Variants in LINGO2 observed in about 807,000 individuals in gnomAD.
LINGO2 encodes the protein leucine rich repeat and Ig domain containing 2, also known as leucine-rich repeat and immunoglobulin-like domain-containing nogo receptor-interacting protein 2.
In LINGO2, 14 loss-of-function variants were observed where a neutral mutation model predicts 30.6. The observed-to-expected ratio is 0.46, with a 90% CI of 0.30 to 0.72. LINGO2 has a LOEUF of 0.72. Ranked by LOEUF, LINGO2 falls within the 30% of genes least tolerant of loss-of-function variation. LINGO2 has a pLI of 0.07. For missense variants in LINGO2, 729 were observed against 751.7 expected, an observed-to-expected ratio of 0.97 and a Z score of 0.35; for synonymous variants, 317 against 288.5, an observed-to-expected ratio of 1.10 and a Z score of -1.00.
At chr9:28,248,248 C>T (rs910836651) in intron 4 of LINGO2, among the ~76,000 whole-genome samples, 3 of 152,102 alleles carry the variant, frequency 2.0e-5, no homozygotes, top group Non-Finnish European at 4.4e-5. Context: ...AATGTGGTAC[C>T]TCTGCACAGT....
chr9:29,136,547 C>T, the LINGO2 span, among the ~76,000 whole-genome samples: 1 of 152,106 alleles, frequency 6.6e-6, no homozygotes, highest in East Asian at 1.9e-4. Flanking sequence ...TTTGCCTATA[C>T]TTTTCCTCTT....
intron 4 of LINGO2, among the ~76,000 whole-genome samples, chr9:28,281,078 T>G (rs963488267): frequency 6.6e-6 from 1 of 152,114 alleles, no homozygotes; most frequent in Non-Finnish European, 1.5e-5. Context: ...CTTTGAAAAT[T>G]AGCTGCTTTA....
intron 4 of LINGO2, among the ~76,000 whole-genome samples, chr9:28,077,887 G>A (rs1587817211): frequency 6.7e-6 from 1 of 148,844 alleles, no homozygotes. Flanking sequence ...TTGTCTTTGT[G>A]AAAATGAACC....
intron 4 of LINGO2, among the ~76,000 whole-genome samples, chr9:28,017,559 C>T (rs190261940): frequency 6.6e-6 from 1 of 152,022 alleles, no homozygotes; most frequent in Non-Finnish European, 1.5e-5. Context: ...AGTAGTACTT[C>T]TATATATCGG....
chr9:29,099,043 G>GA, the LINGO2 span, among the ~76,000 whole-genome samples: 2 of 152,228 alleles, frequency 1.3e-5, no homozygotes, highest in African/African-American at 4.8e-5. Flanking sequence ...GCATAGACCA[G>GA]CGGAACAGAA....
the LINGO2 span, among the ~76,000 whole-genome samples, chr9:29,164,370 T>C: frequency 6.6e-6 from 1 of 152,144 alleles, no homozygotes; most frequent in Non-Finnish European, 1.5e-5. Flanking sequence ...TCTCTAGTCA[T>C]TGTCCTGCTC....
exon 6 of LINGO2, chr9:27,950,255 A>G (rs1156433097): frequency 1.2e-6 from 2 of 1,613,982 alleles, no homozygotes; most frequent in Admixed American, 3.3e-5. Context: ...TGACAATCTT[A>G]TTCTCACTAA....
rs75626500 is a variant in LINGO2 at position 28,380,728 on chromosome 9, T to C, written c.-278-7860A>G. 3.1e-3 allele frequency among the ~76,000 whole-genome samples: 466 copies of C among 152,126 alleles called. 3 individuals carry two copies. Among genetic ancestry groups the C allele is most frequent in the African/African-American group, 0.011 (447 of 41,520 alleles). ...AAGAGATAGTATAAACAAAGTGAAGTTCAGGAAAGATCATTTTGACAGCGA... is the reference window on the plus strand; with the variant it reads ...AAGAGATAGTATAAACAAAGTGAAGCTCAGGAAAGATCATTTTGACAGCGA... On this transcript the variant is annotated intron_variant, in intron 2 of 5. Coordinates refer to ENST00000379992, the Ensembl canonical transcript of LINGO2.
the LINGO2 span, among the ~76,000 whole-genome samples, chr9:29,055,937 T>TATATATATATATATATATA: frequency 6.7e-6 from 1 of 149,066 alleles, no homozygotes; most frequent in Non-Finnish European, 1.5e-5. Context: ...TGTATGTGTG[T>TATATATATATATATATATA]GTGTATATAT....
chr9:28,266,259 T>C (rs1822746511), intron 4 of LINGO2, among the ~76,000 whole-genome samples: 1 of 151,984 alleles, frequency 6.6e-6, no homozygotes, highest in Non-Finnish European at 1.5e-5. Flanking sequence ...AAGGAAGTTG[T>C]CATCCAAATG....
chr9:28,242,764 C>T (rs539065174), intron 4 of LINGO2, among the ~76,000 whole-genome samples: 13 of 152,312 alleles, frequency 8.5e-5, no homozygotes, highest in Non-Finnish European at 1.6e-4. Context: ...ATCAGATTAA[C>T]AGCAGACCTC....
At chr9:29,184,495 T>C in the LINGO2 span, among the ~76,000 whole-genome samples, 2 of 152,128 alleles carry the variant, frequency 1.3e-5, no homozygotes, top group Non-Finnish European at 2.9e-5. Context: ...AGCATCATTA[T>C]TCAGGTTGAT....
the LINGO2 span, among the ~76,000 whole-genome samples, chr9:29,018,798 A>T: frequency 6.6e-6 from 1 of 152,120 alleles, no homozygotes; most frequent in Non-Finnish European, 1.5e-5. Flanking sequence ...GTACTAAAAG[A>T]TATCTCAAGC....
At chr9:28,602,424 A>G (rs1472195856) in intron 1 of LINGO2, among the ~76,000 whole-genome samples, 1 of 152,178 alleles carries the variant, frequency 6.6e-6, no homozygotes, top group Non-Finnish European at 1.5e-5. Flanking sequence ...AGACCCAGTT[A>G]TCAAAAGCCT....
the LINGO2 span, among the ~76,000 whole-genome samples, chr9:28,753,501 C>T: frequency 6.6e-6 from 1 of 151,952 alleles, no homozygotes; most frequent in African/African-American, 2.4e-5. Flanking sequence ...CAGTTAATAC[C>T]TTCCACGGCA....
the LINGO2 span, among the ~76,000 whole-genome samples, chr9:28,794,229 G>C: frequency 6.6e-6 from 1 of 152,178 alleles, no homozygotes; most frequent in Non-Finnish European, 1.5e-5. Context: ...GCTTGAATCC[G>C]GGAGGCAGAG....
At chr9:28,989,916 A>C in the LINGO2 span, among the ~76,000 whole-genome samples, 16 of 152,328 alleles carry the variant, frequency 1.1e-4, no homozygotes, top group South Asian at 1.0e-3. Context: ...AAGTGAGCCA[A>C]GATGGCAGAA....
At chr9:28,621,268 G>A (rs908076871) in intron 1 of LINGO2, among the ~76,000 whole-genome samples, 1 of 151,832 alleles carries the variant, frequency 6.6e-6, no homozygotes, top group Non-Finnish European at 1.5e-5. Flanking sequence ...AAAATTATGA[G>A]TGGTTTAATT....
the LINGO2 span, among the ~76,000 whole-genome samples, chr9:28,813,106 C>T: frequency 4.6e-5 from 7 of 150,814 alleles, no homozygotes; most frequent in Non-Finnish European, 8.8e-5. Context: ...GGTATCATCA[C>T]GTAGATTGTC....
Sources: gnomAD v4.1 joint callset for allele counts (sites outside exome capture counted in the v4.1 genomes callset) on GRCh38, gnomAD v4.1.1 for gene constraint, MANE v1.5 for transcripts, NCBI Gene and HGNC (gene_info 2026-07-23, HGNC 2026-07-21) for gene names.